The following RAD50 variants were observed in gnomAD, a reference collection of about 807,000 sequenced individuals.
RAD50 encodes RAD50 double strand break repair protein, also known as DNA repair protein RAD50.
RAD50 carries 132 observed loss-of-function variants against 168.8 expected under a neutral mutation model. The observed-to-expected ratio is 0.78, with a 90% CI of 0.68 to 0.90. The LOEUF is 0.90. Ranked by LOEUF, RAD50 falls within the 40% of genes least tolerant of loss-of-function variation. The pLI is 0.00. For synonymous variants in RAD50, 525 were observed against 497.4 expected (o/e 1.06, Z -0.74); for missense variants, 1,347 against 1,534.4 (o/e 0.88, Z 2.04).
intron 5 of RAD50, among the ~76,000 whole-genome samples, chr5:132,582,076 A>G (rs1482434164): frequency 1.3e-5 from 2 of 152,204 alleles, no homozygotes; most frequent in Admixed American, 6.5e-5. Flanking sequence ...TTGATCATAA[A>G]TGAGTAAGTC....
intron 24 of RAD50, 54 bp downstream of exon 24, chr5:132,640,859 A>G: frequency 6.2e-7 from 1 of 1,610,170 alleles, no homozygotes. Context: ...ATTTGGGGAC[A>G]GGTTGTGATA....
intron 9 of RAD50, among the ~76,000 whole-genome samples, chr5:132,590,433 G>C (rs1454820188): frequency 1.3e-5 from 2 of 152,186 alleles, no homozygotes; most frequent in Admixed American, 1.3e-4. Flanking sequence ...TTGCGCCACT[G>C]CTCTCCAGCC....
chr5:132,559,726 C>T (rs1396633288), intron 2 of RAD50, among the ~76,000 whole-genome samples: 2 of 152,080 alleles, frequency 1.3e-5, no homozygotes, highest in African/African-American at 4.8e-5. Flanking sequence ...AGTGCATGAA[C>T]ACTTTAGTAG....
At chr5:132,640,478 A>G (rs1057082160) in intron 23 of RAD50, among the ~76,000 whole-genome samples, 194 bp from the exon 24 acceptor site, 16 of 152,224 alleles carry the variant, frequency 1.1e-4, no homozygotes, top group Non-Finnish European at 2.4e-4. Context: ...GGCTGAGATC[A>G]TGCAGGTTCT....
Position 132,557,322 on chromosome 5 carries a change from A to G in RAD50, c.-3A>G. 1 of 1,614,156 alleles carries G rather than the reference A, an allele frequency of 6.2e-7. No individual in the cohort carries two copies. The highest frequency in any genetic ancestry group is 8.5e-7 in the Non-Finnish European group (1 of 1,179,962). On this transcript the variant is annotated 5_prime_UTR_variant, in exon 1 of 25. Transcript: ENST00000378823. ...CCTGGTGAGATTAGAAACGTTTGCA[A>G]ACATGTCCCGGATCGAAAAGATGAG... is the stretch of plus-strand genomic sequence containing the variant.
chr5:132,594,002 A>G (rs1580995955), intron 11 of RAD50, among the ~76,000 whole-genome samples: 2 of 152,256 alleles, frequency 1.3e-5, no homozygotes, highest in East Asian at 3.9e-4. Context: ...TAAGATGAAG[A>G]CTGTACTTGG....
Position 132,642,806 on chromosome 5 carries a change from T to G in RAD50, c.*442T>G, listed in dbSNP as rs1751759691. On this transcript the variant is annotated 3_prime_UTR_variant, in exon 25 of 25. Transcript: ENST00000378823. ...TGGTTTGAAAAACTGAGTATTAATATCTGAGGATGACCAGAAATGGTGAGA... is the reference window on the plus strand; with the variant it reads ...TGGTTTGAAAAACTGAGTATTAATAGCTGAGGATGACCAGAAATGGTGAGA... 2 of 355,276 alleles carry G rather than the reference T, an allele frequency of 5.6e-6. No homozygotes were observed. The allele number at this position is 355,276 out of a possible 1,614,324, so 22.0% of individuals were successfully genotyped here.
rs786203779 is a variant in RAD50 at position 132,618,250 on chromosome 5, A to C, written c.3345A>C (p.Glu1115Asp). Residue 1115 changes from glutamate (E) to aspartate (D), a missense_variant, in exon 21 of 25, where the codon GAA becomes GAC. Physicochemically the swap from Glu to Asp is conservative, Grantham distance 45. Around this residue, in one of 3 missense-constraint regions of RAD50, gnomAD observed 635 missense variants for 739.2 expected, o/e 0.86. Coordinates refer to ENST00000378823, the MANE Select transcript of RAD50 (RefSeq NM_005732.4). ...TGATGATTGTTATGAGGACAACAGA[A>C]CTTGTGAACAAGGATCTGGATATTT... The part of the protein sequence containing the change: ...REMMIVMRTT[E>D]LVNKDLDIYY... 1.2e-6 allele frequency: 2 copies of C among 1,614,052 alleles called. No homozygotes were observed. Among genetic ancestry groups the C allele is most frequent in the Non-Finnish European group, 1.7e-6 (2 of 1,179,966 alleles).
At chr5:132,584,862 G>A (rs558437766) in intron 5 of RAD50, among the ~76,000 whole-genome samples, 55 of 148,222 alleles carry the variant, frequency 3.7e-4, no homozygotes, top group Non-Finnish European at 7.3e-4. Context: ...ACCAAACACC[G>A]CATGTTCTCA....
At chr5:132,578,510 T>C (rs548220446) in intron 3 of RAD50, among the ~76,000 whole-genome samples, 1 of 150,118 alleles carries the variant, frequency 6.7e-6, no homozygotes, top group African/African-American at 2.5e-5. Flanking sequence ...TTCAGTATAA[T>C]ATTTTTTTTC....
chr5:132,622,101 T>C (rs987944851), intron 21 of RAD50, among the ~76,000 whole-genome samples: 2 of 152,136 alleles, frequency 1.3e-5, no homozygotes, highest in Admixed American at 6.5e-5. Flanking sequence ...TTGTCATTTT[T>C]TCCTCCATTT....
rs759267791 is a variant in RAD50, at chr5:132,604,044, C to T, written c.2522C>T (p.Thr841Ile). ...EKQEKQHKLD[T>I]VSSKIELNRK... Reference sequence around the variant, plus strand: ...CAAGAGAAACAGCACAAGTTAGACACAGGTAATACAGTCTGTGTCCTTCTG... The same window carrying T: ...CAAGAGAAACAGCACAAGTTAGACATAGGTAATACAGTCTGTGTCCTTCTG... Residue 841 changes from threonine to isoleucine, a missense_variant and splice_region_variant, in exon 15 of 25, where the codon ACA (threonine) becomes ATA (isoleucine). Thr to Ile is a moderately conservative substitution (Grantham distance 89). Transcript: ENST00000378823. 3.7e-6 allele frequency: 6 copies of T among 1,613,330 alleles called. No homozygotes were observed. Among genetic ancestry groups the T allele is most frequent in the Admixed American group, 1.7e-5 (1 of 59,982 alleles).
Position 132,595,811 on chromosome 5 carries a change from G to T in RAD50, c.2207+1G>T. 1 of 1,591,508 alleles carries T rather than the reference G, an allele frequency of 6.3e-7. No homozygotes were observed. Among genetic ancestry groups the T allele is most frequent in the South Asian group, 1.1e-5 (1 of 90,596 alleles). On this transcript the variant is annotated splice_donor_variant, in intron 13 of 24. Coordinates refer to ENST00000378823, the MANE Select transcript of RAD50 (RefSeq NM_005732.4). LOFTEE classifies it high-confidence loss of function. Reference sequence around the variant, plus strand: ...AAATGCTGGGACTTGTGCCCATGAGGTAAGAATGGGATTTACCTTCACTGT... The same window carrying T: ...AAATGCTGGGACTTGTGCCCATGAGTTAAGAATGGGATTTACCTTCACTGT...
At chr5:132,560,229 A>C (rs934385323) in intron 2 of RAD50, among the ~76,000 whole-genome samples, 1 of 152,208 alleles carries the variant, frequency 6.6e-6, no homozygotes, top group South Asian at 2.1e-4. Flanking sequence ...GCATTCACAC[A>C]TACATATTTT....
chr5:132,609,204 A>T lies in RAD50; in HGVS notation c.2917A>T (p.Lys973Ter). ...TATTCAAGATGGGAAAGACGACTAT[A>T]AGAAGGTAATTTAAAACTTAAAATT... ...NYIQDGKDDY[K>*]KQKETELNKV... is the part of the protein sequence containing the mutation. Residue 973 changes from lysine (K) to a stop codon, truncating the protein, a stop_gained, in exon 18 of 25, where the codon AAG becomes TAG. Transcript: ENST00000378823. LOFTEE classifies it high-confidence loss of function. 1 of 1,610,858 alleles carries T rather than the reference A, an allele frequency of 6.2e-7. No homozygotes were observed. Among genetic ancestry groups the T allele is most frequent in the Non-Finnish European group, 8.5e-7 (1 of 1,178,596 alleles).
intron 21 of RAD50, among the ~76,000 whole-genome samples, chr5:132,633,098 C>CTTTTTTTTTTTTTTTTTTTT (rs34616055): frequency 4.4e-5 from 5 of 113,012 alleles, no homozygotes; most frequent in Non-Finnish European, 8.8e-5. Context: ...TTCGTTTTTT[C>CTTTTTTTTTTTTTTTTTTTT]TTTTTTTTTT....
chr5:132,610,833 T>C (rs932088745), intron 19 of RAD50, among the ~76,000 whole-genome samples: 4 of 152,198 alleles, frequency 2.6e-5, no homozygotes, highest in Non-Finnish European at 5.9e-5. Flanking sequence ...TATACGAAAT[T>C]GTTAAGATTA....
rs1438870559 is a variant in RAD50, at chr5:132,557,081, C to T, written c.-244C>T. The T allele has an allele frequency of 2.0e-4, 130 of 665,208 alleles. 1 individual carries two copies. The South Asian group carries it at 2.4e-3, about 12-fold the overall frequency. 41.2% of individuals were successfully genotyped at this position (665,208 alleles called of 1,614,324 possible). On this transcript the variant is annotated 5_prime_UTR_variant, in exon 1 of 25. Transcript: ENST00000378823. ...CCCGGCGGGCAGCCCCAGGCTGGTC[C>T]CCGCCTCCGCTCTCCCCACCGGCGG...
At chr5:132,608,380 G>A (rs963665261) in intron 16 of RAD50, among the ~76,000 whole-genome samples, 5 of 152,168 alleles carry the variant, frequency 3.3e-5, no homozygotes, top group African/African-American at 1.2e-4. Flanking sequence ...AATCTTGGCT[G>A]CTTCATTTAC....
Sources: allele counts gnomAD v4.1 joint callset (sites outside exome capture counted in the v4.1 genomes callset), GRCh38; gene constraint gnomAD v4.1.1; regional missense constraint gnomAD v4.1.1; transcripts MANE v1.5; gene names NCBI Gene and HGNC (gene_info 2026-07-23, HGNC 2026-07-21).